Variants in FBXL22 observed in about 807,000 individuals in gnomAD.
FBXL22 encodes F-box and leucine-rich protein 22.
In FBXL22, 13 loss-of-function variants were observed where a neutral mutation model predicts 11.7. The observed-to-expected ratio is 1.11, with a 90% CI of 0.73 to 1.77. The LOEUF is 1.77. FBXL22 is among the 40% of genes most tolerant of loss of function. The probability of loss-of-function intolerance (pLI) is 0.00; values close to 1 mark genes in which losing one functional copy is unlikely to be tolerated. For missense variants in FBXL22, 406 were observed against 320.4 expected (o/e 1.27, Z -2.04); for synonymous variants, 160 against 144.1 (o/e 1.11, Z -0.79).
chr15:63,598,527 G>A (rs976179360), intron 1 of FBXL22, among the ~76,000 whole-genome samples: 3 of 152,172 alleles, frequency 2.0e-5, no homozygotes, highest in African/African-American at 4.8e-5. Flanking sequence ...TGGGCAGAGC[G>A]GCCCAGGCAA....
At chr15:63,600,314 C>G in intron 1 of FBXL22, 1 of 1,020,040 alleles carries the variant, frequency 9.8e-7, no homozygotes, top group East Asian at 8.7e-5. Context: ...GGAGCAATCG[C>G]CAAGCACCGC....
chr15:63,600,705 A>G lies in FBXL22; in HGVS notation c.362A>G (p.Asn121Ser). The G allele has an allele frequency of 8.1e-7, 1 of 1,231,438 alleles. No individual in the cohort carries two copies. The highest frequency in any genetic ancestry group is 1.0e-6 in the Non-Finnish European group (1 of 987,766). The allele number at this position is 1,231,438 out of a possible 1,614,324, so 76.3% of individuals were successfully genotyped here. Residue 121 changes from asparagine (N) to serine (S), a missense_variant, in exon 2 of 2, where the codon AAC (asparagine) becomes AGC (serine). Physicochemically the swap from Asn to Ser is conservative, Grantham distance 46. Coordinates refer to ENST00000638704, the MANE Select transcript of FBXL22 (RefSeq NM_001367807.1). ...FLLRVCDRCPNLASVTLSGCG... is the reference protein window; with the variant it reads ...FLLRVCDRCPSLASVTLSGCG... ...CCGCACTCTCCTCACAGGTGCCCCA[A>G]CCTGGCGTCCGTCACGCTCTCGGGC...
intron 1 of FBXL22, chr15:63,599,285 TC>T (rs1283881263): frequency 6.7e-7 from 1 of 1,494,606 alleles, no homozygotes; most frequent in Non-Finnish European, 8.8e-7. Flanking sequence ...AGGGGGACAG[TC>T]CGCTCTTTGT....
chr15:63,601,818 AAAC>A, downstream of FBXL22: 3 of 1,269,518 alleles, frequency 2.4e-6, no homozygotes, highest in East Asian at 2.8e-5. Context: ...GCCTCAAACT[AAAC>A]AAAAACAAAA....
rs775727167 is a variant in FBXL22, at chr15:63,597,598, C to T, written c.206C>T (p.Pro69Leu). ...CAGAAGGACAACTTCCTCCTGGGCC[C>T]GGCACTCCGCAGCCTCTCCATCTGC... ...ELQKDNFLLG[P>L]ALRSLSICWH... Residue 69 changes from proline to leucine, a missense_variant, in exon 1 of 2, where the codon CCG becomes CTG. Physicochemically the swap from Pro to Leu is moderately conservative, Grantham distance 98. Coordinates refer to ENST00000638704, the MANE Select transcript of FBXL22 (RefSeq NM_001367807.1). The surrounding 1 kb of genome is among the most constrained non-coding windows in gnomAD (Gnocchi z 4.3). 1.8e-5 allele frequency: 29 copies of T among 1,613,930 alleles called. No homozygotes were observed. Among genetic ancestry groups the T allele is most frequent in the Non-Finnish European group, 2.4e-5 (28 of 1,180,012 alleles).
At chr15:63,607,762 A>T in the FBXL22 span, among the ~76,000 whole-genome samples, 1 of 152,226 alleles carries the variant, frequency 6.6e-6, no homozygotes, top group Non-Finnish European at 1.5e-5. Context: ...CGCGAAGTAC[A>T]GTGGAAGTAG....
chr15:63,597,525 G>A lies in FBXL22; in HGVS notation c.133G>A (p.Asp45Asn). 6.2e-7 allele frequency: 1 copy of A among 1,614,118 alleles called. No homozygotes were observed. Among genetic ancestry groups the A allele is most frequent in the Non-Finnish European group, 8.5e-7 (1 of 1,180,034 alleles). Residue 45 changes from aspartate (D) to asparagine (N), a missense_variant, in exon 1 of 2, where the codon GAC (aspartate) becomes AAC (asparagine). Asp to Asn is a conservative substitution (Grantham distance 23). Coordinates refer to ENST00000638704, the MANE Select transcript of FBXL22 (RefSeq NM_001367807.1). The surrounding 1 kb of genome is among the most constrained non-coding windows in gnomAD (Gnocchi z 4.3). ...TCSQLHDVFE[D>N]PALWSLLHFR... is the part of the protein sequence containing the mutation. ...CTCCCAGCTCCACGACGTGTTTGAG[G>A]ACCCCGCACTCTGGTCCCTGCTGCA...
rs770086425 is a variant in FBXL22, at chr15:63,597,581, C to T, written c.189C>T (p.Asp63=). Residue 63 remains aspartate, a synonymous_variant, in exon 1 of 2, where the codon GAC becomes GAT. Coordinates refer to ENST00000638704, the MANE Select transcript of FBXL22 (RefSeq NM_001367807.1). The surrounding 1 kb of genome is among the most constrained non-coding windows in gnomAD (Gnocchi z 4.3). ...GTTCCCTCACTGAACTCCAGAAGGACAACTTCCTCCTGGGCCCGGCACTCC... is the reference window on the plus strand; with the variant it reads ...GTTCCCTCACTGAACTCCAGAAGGATAACTTCCTCCTGGGCCCGGCACTCC... ...HFRSLTELQK[D]NFLLGPALRS... 1 of 1,614,156 alleles carries T rather than the reference C, an allele frequency of 6.2e-7. No homozygotes were observed. Among genetic ancestry groups the T allele is most frequent in the Non-Finnish European group, 8.5e-7 (1 of 1,180,054 alleles).
chr15:63,601,791 T>G (rs563828481), downstream of FBXL22: 59 of 1,379,776 alleles, frequency 4.3e-5, 1 homozygote, highest in South Asian at 8.8e-4. Context: ...AAAGAAATGA[T>G]TTGGAAGAAA....
downstream of FBXL22, among the ~76,000 whole-genome samples, chr15:63,603,845 CAG>C (rs1566931486): frequency 6.6e-6 from 1 of 151,904 alleles, no homozygotes; most frequent in Non-Finnish European, 1.5e-5. Context: ...CTGTGAGACA[CAG>C]GCTGCTTTTT....
At chr15:63,601,895 C>A, downstream of FBXL22, 1 of 681,448 alleles carries the variant, frequency 1.5e-6, no homozygotes, top group Non-Finnish European at 2.3e-6. Flanking sequence ...AGATTTTTCA[C>A]CTGTTGGATT....
intron 1 of FBXL22, chr15:63,600,043 C>G: frequency 1.0e-6 from 1 of 985,716 alleles, no homozygotes; most frequent in Non-Finnish European, 1.2e-6. Flanking sequence ...GCCAAGCGAC[C>G]TGGGTGGGTG....
downstream of FBXL22, among the ~76,000 whole-genome samples, chr15:63,604,738 G>A (rs1031522013): frequency 1.2e-4 from 18 of 152,148 alleles, no homozygotes; most frequent in African/African-American, 4.1e-4. Flanking sequence ...TGGAATCTCC[G>A]TGCCCCTTCC....
At position 63,597,497 on chromosome 15, in the gene FBXL22, C is replaced by G. The variant is rs1414691783; in HGVS notation, c.105C>G (p.Thr35=). ...ACAGCAGGAAGAGCCTTGCCAGGACCTGCTCCCAGCTCCACGACGTGTTTG... is the reference window on the plus strand; with the variant it reads ...ACAGCAGGAAGAGCCTTGCCAGGACGTGCTCCCAGCTCCACGACGTGTTTG... The part of the protein sequence containing the change: ...DKDSRKSLAR[T]CSQLHDVFED... The change falls in exon 1 of 2, where the codon ACC becomes ACG. Residue 35 remains threonine (T), a synonymous_variant. Transcript: ENST00000638704. The surrounding 1 kb of genome is among the most constrained non-coding windows in gnomAD (Gnocchi z 4.3). 6.2e-7 allele frequency: 1 copy of G among 1,614,034 alleles called. No homozygotes were observed. Among genetic ancestry groups the G allele is most frequent in the Non-Finnish European group, 8.5e-7 (1 of 1,180,046 alleles).
At chr15:63,604,291 G>C (rs1047333832), downstream of FBXL22, among the ~76,000 whole-genome samples, 5 of 152,178 alleles carry the variant, frequency 3.3e-5, no homozygotes, top group African/African-American at 1.2e-4. Flanking sequence ...TATAGGTTGA[G>C]CTAGAATGGG....
At chr15:63,601,611 C>T (rs372736597), downstream of FBXL22, 802 of 1,595,816 alleles carry the variant, frequency 5.0e-4, 5 homozygotes, top group Middle Eastern at 0.018. Context: ...GCCACCGAGC[C>T]GCTCCTCCTT....
rs2067362843 is a variant in FBXL22 at position 63,601,018 on chromosome 15, C to T, written c.675C>T (p.Leu225=). 1.7e-6 allele frequency: 2 copies of T among 1,208,966 alleles called. No homozygotes were observed. Among genetic ancestry groups the T allele is most frequent in the African/African-American group, 1.6e-5 (1 of 63,442 alleles). The allele number at this position is 1,208,966 out of a possible 1,614,324, so 74.9% of individuals were successfully genotyped here. A position where few individuals can be genotyped will look rare whatever the true frequency, so the allele number is the denominator to read the frequency against. Residue 225 remains leucine, a synonymous_variant, in exon 2 of 2, where the codon CTC becomes CTT. Coordinates refer to ENST00000638704, the MANE Select transcript of FBXL22 (RefSeq NM_001367807.1). The part of the protein sequence containing the change: ...PPRPRAPAAA[L]GKLLQR ...GCCCGCGCGCGCCCGCCGCGGCCCT[C>T]GGCAAGCTGCTGCAGCGCTAGACGC...
downstream of FBXL22, chr15:63,601,313 C>G (rs770794061): frequency 4.4e-6 from 7 of 1,592,190 alleles, no homozygotes; most frequent in African/African-American, 9.5e-5. Context: ...GCTGTGCGCT[C>G]CCCACGGAGG....
chr15:63,601,477 G>A (rs779783714), downstream of FBXL22: 5 of 1,557,654 alleles, frequency 3.2e-6, no homozygotes, highest in Non-Finnish European at 3.5e-6. Flanking sequence ...GAGCCTCCGG[G>A]CGGAGCGACC....
Sources: allele counts gnomAD v4.1 joint callset (sites outside exome capture counted in the v4.1 genomes callset), GRCh38; gene constraint gnomAD v4.1.1; non-coding constraint Gnocchi (gnomAD v3.1); transcripts MANE v1.5; gene names NCBI Gene and HGNC (gene_info 2026-07-23, HGNC 2026-07-21).